Variants in TTLL5 observed in about 807,000 individuals in gnomAD.
The protein encoded by TTLL5 is tubulin polyglutamylase TTLL5.
Under a neutral mutation model 168.4 loss-of-function variants are expected in TTLL5, and 132 were observed. The observed-to-expected ratio is 0.78, with a 90% CI of 0.68 to 0.91. TTLL5 has a LOEUF of 0.91. TTLL5 is among the 40% of genes least tolerant of loss of function. The probability of loss-of-function intolerance (pLI) is 0.00; values close to 1 mark genes in which losing one functional copy is unlikely to be tolerated. For synonymous variants in TTLL5, 546 were observed against 558.6 expected (o/e 0.98, Z 0.32); for missense variants, 1,545 against 1,581.5 (o/e 0.98, Z 0.39).
chr14:75,862,573 T>G (rs899479338), intron 28 of TTLL5, among the ~76,000 whole-genome samples: 1 of 152,138 alleles, frequency 6.6e-6, no homozygotes, highest in Non-Finnish European at 1.5e-5. Context: ...GGAAAAGTGA[T>G]CTGAGAGGGG....
chr14:75,717,423 T>G (rs911641797), intron 9 of TTLL5, among the ~76,000 whole-genome samples: 4 of 152,234 alleles, frequency 2.6e-5, no homozygotes, highest in Non-Finnish European at 4.4e-5. Context: ...CCAGTTGTTA[T>G]TTCTGGACCA....
intron 30 of TTLL5, chr14:75,886,756 G>C: frequency 1.9e-6 from 3 of 1,597,486 alleles, no homozygotes; most frequent in South Asian, 1.1e-5. Flanking sequence ...CAAGCAGTCA[G>C]CTGAACTGAG....
intron 29 of TTLL5, among the ~76,000 whole-genome samples, chr14:75,873,462 A>G (rs1223984493): frequency 6.6e-6 from 1 of 152,088 alleles, no homozygotes; most frequent in East Asian, 1.9e-4. Flanking sequence ...TCTGACAATC[A>G]CCATTCTACT....
At chr14:75,878,314 T>C (rs1056514517) in intron 29 of TTLL5, among the ~76,000 whole-genome samples, 8 of 152,218 alleles carry the variant, frequency 5.3e-5, no homozygotes, top group Non-Finnish European at 1.2e-4. Context: ...GATAGGCTCT[T>C]GCAGACTTCA....
chr14:75,852,594 T>C (rs887873809), intron 28 of TTLL5, among the ~76,000 whole-genome samples: 2 of 152,142 alleles, frequency 1.3e-5, no homozygotes, highest in Admixed American at 6.5e-5. Flanking sequence ...TCTGTATAAC[T>C]CCATAGGTTC....
intron 28 of TTLL5, among the ~76,000 whole-genome samples, chr14:75,847,948 A>G (rs1392551859): frequency 7.4e-6 from 1 of 134,676 alleles, no homozygotes; most frequent in Non-Finnish European, 1.6e-5. Context: ...ATAAGTATAC[A>G]TTTTCTTTTC....
chr14:75,910,474 C>T (rs746377283), intron 31 of TTLL5, among the ~76,000 whole-genome samples: 4 of 152,206 alleles, frequency 2.6e-5, no homozygotes, highest in Non-Finnish European at 5.9e-5. Flanking sequence ...ATATATCACT[C>T]CAGGTTATCG....
intron 30 of TTLL5, among the ~76,000 whole-genome samples, chr14:75,890,196 G>A (rs1007506490): frequency 2.6e-5 from 4 of 152,284 alleles, no homozygotes; most frequent in Non-Finnish European, 4.4e-5. Context: ...GCTGAGAGTC[G>A]TGAATAGGCC....
At chr14:75,711,343 T>TG (rs1887064236) in intron 9 of TTLL5, 1 of 152,186 alleles carries the variant, frequency 6.6e-6, no homozygotes, top group Non-Finnish European at 1.5e-5. Flanking sequence ...AGGGGTGCTA[T>TG]GCTCTACCAA....
At chr14:75,696,726 C>T (rs192203046) in intron 6 of TTLL5, among the ~76,000 whole-genome samples, 2 of 152,292 alleles carry the variant, frequency 1.3e-5, no homozygotes, top group African/African-American at 4.8e-5. Context: ...TTTTCCTCCC[C>T]AGAGATGATC....
chr14:75,745,432 A>G (rs573418555), intron 16 of TTLL5, 58 bp from the exon 17 acceptor site: 3 of 1,538,930 alleles, frequency 1.9e-6, no homozygotes, highest in Admixed American at 1.7e-5. Flanking sequence ...TTTGTCCTAT[A>G]GCCACATGGA....
intron 29 of TTLL5, among the ~76,000 whole-genome samples, chr14:75,877,718 G>T (rs2031573778): frequency 6.6e-6 from 1 of 152,158 alleles, no homozygotes; most frequent in Admixed American, 6.6e-5. Flanking sequence ...TTATTAGAGA[G>T]AACTTCATCT....
intron 29 of TTLL5, among the ~76,000 whole-genome samples, chr14:75,876,924 G>A (rs2031522711): frequency 6.6e-6 from 1 of 152,202 alleles, no homozygotes; most frequent in Admixed American, 6.5e-5. Context: ...AGGAAGGTGA[G>A]TGATTAGTAA....
chr14:75,796,288 C>T (rs1163283761), intron 27 of TTLL5, among the ~76,000 whole-genome samples: 2 of 151,754 alleles, frequency 1.3e-5, no homozygotes, highest in African/African-American at 2.4e-5. Context: ...TTTTTTCTTG[C>T]TGATTTGTTT....
intron 27 of TTLL5, among the ~76,000 whole-genome samples, chr14:75,817,880 C>G (rs1256218395): frequency 6.8e-6 from 1 of 146,300 alleles, no homozygotes; most frequent in Admixed American, 6.9e-5. Context: ...CTCTGTCGCC[C>G]AGGCTGGAGT....
At chr14:75,953,068 A>G (rs547671212) in intron 31 of TTLL5, among the ~76,000 whole-genome samples, 1 of 152,356 alleles carries the variant, frequency 6.6e-6, no homozygotes, top group East Asian at 1.9e-4. Context: ...TAACAATTCA[A>G]TAGGAAAATA....
intron 21 of TTLL5, among the ~76,000 whole-genome samples, chr14:75,774,066 A>G (rs941320377): frequency 6.6e-6 from 1 of 151,346 alleles, no homozygotes; most frequent in African/African-American, 2.4e-5. Context: ...AGGAAGGTAG[A>G]TGTAGAGTTG....
chr14:75,690,460 G>A (rs778340775), intron 6 of TTLL5, 138 bp downstream of exon 6: 3 of 1,115,142 alleles, frequency 2.7e-6, no homozygotes, highest in Non-Finnish European at 3.7e-6. Flanking sequence ...TAAAACAGTT[G>A]CAGAGGTAAC....
chr14:75,825,792 A>C (rs139362184), intron 28 of TTLL5, among the ~76,000 whole-genome samples: 1 of 152,160 alleles, frequency 6.6e-6, no homozygotes, highest in East Asian at 1.9e-4. Context: ...AACTCTCACT[A>C]TTCCTTCCCC....
Sources: allele counts gnomAD v4.1 joint callset (sites outside exome capture counted in the v4.1 genomes callset), GRCh38; gene constraint gnomAD v4.1.1; transcripts MANE v1.5; gene names NCBI Gene and HGNC (gene_info 2026-07-23, HGNC 2026-07-21).